The following CDC34 variants were observed in gnomAD, a reference collection of about 807,000 sequenced individuals.
CDC34 encodes the protein cell division cycle 34, ubiquitin conjugating enzyme.
In CDC34, 18 loss-of-function variants were observed where a neutral mutation model predicts 26.8. That is an observed-to-expected ratio of 0.67 (90% CI 0.47 to 1.00). CDC34 has a LOEUF of 1.00. CDC34 is among the 50% of genes least tolerant of loss of function. The pLI is 0.00. For missense variants in CDC34, 280 were observed against 334.5 expected (o/e 0.84, Z 1.27); for synonymous variants, 178 against 147.5 (o/e 1.21, Z -1.50).
At chr19:532,132 G>T (rs761826244) in intron 1 of CDC34, 24 bp downstream of exon 1, 1 of 1,476,446 alleles carries the variant, frequency 6.8e-7, no homozygotes, top group Middle Eastern at 1.8e-4. Context: ...CCCCCGCCCG[G>T]GTCCCGGAGC....
In CDC34 at chr19:541,572, C is replaced by T. The variant is rs376816532; in HGVS notation, c.*20C>T. ...TCCTGACACCACCAGAATAAACTTG[C>T]CGAGTTTACCTCACTAGGGCCGGAC... is the stretch of plus-strand genomic sequence containing the variant. On this transcript the variant is annotated 3_prime_UTR_variant, in exon 5 of 5. Coordinates refer to ENST00000215574, the MANE Select transcript of CDC34 (RefSeq NM_004359.2). 1 of 1,547,900 alleles carries T rather than the reference C, an allele frequency of 6.5e-7. No individual in the cohort carries two copies. Among genetic ancestry groups the T allele is most frequent in the Non-Finnish European group, 8.7e-7 (1 of 1,144,012 alleles).
chr19:535,093 C>T (rs1343824208), intron 1 of CDC34, among the ~76,000 whole-genome samples: 1 of 152,242 alleles, frequency 6.6e-6, no homozygotes, highest in Non-Finnish European at 1.5e-5. Flanking sequence ...TGGCATCACG[C>T]CCCAGGCTGC....
At position 541,460 on chromosome 19, in the gene CDC34, TACG is replaced by T. The variant is rs1224103413; in HGVS notation, c.625_627del (p.Asp209del). The T allele has an allele frequency of 3.1e-6, 5 of 1,612,722 alleles. No homozygotes were observed. Among genetic ancestry groups the T allele is most frequent in the East Asian group, 2.2e-5 (1 of 44,862 alleles). On this transcript the variant is annotated inframe_deletion, in exon 5 of 5. Coordinates refer to ENST00000215574, the MANE Select transcript of CDC34 (RefSeq NM_004359.2). ...GCCCGACGAGGGCTCAGACCTCTTC[TACG>T]ACGACTACTACGAGGACGGCGAGGT...
intron 1 of CDC34, among the ~76,000 whole-genome samples, chr19:533,262 G>GGACAC (rs1265343292): frequency 1.3e-5 from 2 of 152,168 alleles, no homozygotes; most frequent in Non-Finnish European, 2.9e-5. Context: ...CCAAGAGCCT[G>GGACAC]GACACGACAC....
chr19:533,458 C>T (rs1039433922), intron 1 of CDC34, among the ~76,000 whole-genome samples: 8 of 152,242 alleles, frequency 5.3e-5, no homozygotes, highest in Admixed American at 2.6e-4. Flanking sequence ...AGTGGGACGC[C>T]CGTGGGTTCT....
At position 532,096 on chromosome 19, in the gene CDC34, C is replaced by G; in HGVS notation, c.165C>G (p.Gly55=). The G allele has an allele frequency of 6.6e-7, 1 of 1,514,572 alleles. No homozygotes were observed. Among genetic ancestry groups the G allele is most frequent in the Non-Finnish European group, 8.8e-7 (1 of 1,140,752 alleles). 93.8% of individuals were successfully genotyped at this position (1,514,572 alleles called of 1,614,324 possible). The change falls in exon 1 of 5, where the codon GGC becomes GGG. Residue 55 remains glycine (G), a synonymous_variant. Coordinates refer to ENST00000215574, the MANE Select transcript of CDC34 (RefSeq NM_004359.2). ...GGCCCCCCAACACCTACTACGAGGG[C>G]GGCTACTTCAAGGTGAGCGCGGCGA... ...IFGPPNTYYE[G]GYFKARLKFP...
intron 1 of CDC34, among the ~76,000 whole-genome samples, chr19:532,484 C>G (rs993545304): frequency 2.6e-5 from 4 of 152,208 alleles, no homozygotes; most frequent in Non-Finnish European, 5.9e-5. Flanking sequence ...TCCCCCTCCG[C>G]CCCTGCGAGA....
intron 4 of CDC34, chr19:541,136 C>T (rs1979992711): frequency 1.6e-6 from 1 of 644,098 alleles, no homozygotes; most frequent in Non-Finnish European, 2.5e-6. Context: ...CCCACCCGCA[C>T]CTCCTGCCCT....
intron 4 of CDC34, 30 bp from the exon 5 acceptor site, chr19:541,309 G>A (rs369947987): frequency 2.0e-6 from 3 of 1,511,724 alleles, no homozygotes; most frequent in South Asian, 2.4e-5. Context: ...AGGCACGTGG[G>A]TGGCGCCCTC....
chr19:536,214 CTGT>C lies in CDC34; in HGVS notation c.265-27_265-25del, dbSNP rs764590326. ...CTGGGAGCCCGTGCTGACCTCTGAC[CTGT>C]TCTGACCTGTCTTCTTCTTGTGCAG... On this transcript the variant is annotated intron_variant, in intron 2 of 4. Coordinates refer to ENST00000215574, the MANE Select transcript of CDC34 (RefSeq NM_004359.2). The C allele has an allele frequency of 5.7e-6, 9 of 1,567,368 alleles. No homozygotes were observed. The Admixed American group carries it at 1.6e-4, about 28-fold the overall frequency.
At chr19:537,553 C>T (rs2145849953) in intron 4 of CDC34, among the ~76,000 whole-genome samples, 1 of 150,954 alleles carries the variant, frequency 6.6e-6, no homozygotes. Context: ...GGGGTTTCAG[C>T]GTGTTAGCCA....
At chr19:535,571 C>A (rs1979700318) in intron 1 of CDC34, among the ~76,000 whole-genome samples, 1 of 152,234 alleles carries the variant, frequency 6.6e-6, no homozygotes. Context: ...TGCCCACGTT[C>A]CCCAGCAGTT....
Position 531,993 on chromosome 19 carries a change from A to T in CDC34, c.62A>T (p.Gln21Leu). 1 of 1,496,788 alleles carries T rather than the reference A, an allele frequency of 6.7e-7. No homozygotes were observed. The highest frequency in any genetic ancestry group is 8.8e-7 in the Non-Finnish European group (1 of 1,130,576). The allele number at this position is 1,496,788 out of a possible 1,614,324, so 92.7% of individuals were successfully genotyped here. Residue 21 changes from glutamine (Q) to leucine (L), a missense_variant, in exon 1 of 5, where the codon CAG (glutamine) becomes CTG (leucine). Coordinates refer to ENST00000215574, the MANE Select transcript of CDC34 (RefSeq NM_004359.2). ...KALLLELKGL[Q>L]EEPVEGFRVT... Reference sequence around the variant, plus strand: ...CTGCTGCTGGAGCTCAAGGGGCTGCAGGAAGAGCCGGTCGAGGGATTCCGC... The same window carrying T: ...CTGCTGCTGGAGCTCAAGGGGCTGCTGGAAGAGCCGGTCGAGGGATTCCGC...
Position 541,927 on chromosome 19 carries a change from C to A in CDC34, c.*375C>A. 1 of 174,738 alleles carries A rather than the reference C, an allele frequency of 5.7e-6. No homozygotes were observed. The highest frequency in any genetic ancestry group is 1.6e-4 in the South Asian group (1 of 6,256). 10.8% of individuals were successfully genotyped at this position (174,738 alleles called of 1,614,324 possible). ...GGCGGGGGGCCGTTTCCTGACACTACCAGCCTGGGAGGCCCAGGTGTAGCG... is the reference window on the plus strand; with the variant it reads ...GGCGGGGGGCCGTTTCCTGACACTAACAGCCTGGGAGGCCCAGGTGTAGCG... On this transcript the variant is annotated 3_prime_UTR_variant, in exon 5 of 5. Transcript: ENST00000215574.
At chr19:532,948 C>T (rs17841733) in intron 1 of CDC34, among the ~76,000 whole-genome samples, 4,700 of 152,270 alleles carry the variant, frequency 0.031, 244 homozygotes, top group African/African-American at 0.11. Flanking sequence ...CAGGTGGCTT[C>T]TTGGGACCCA....
At chr19:536,114 G>T (rs1027331043) in intron 2 of CDC34, 129 bp from the exon 3 acceptor site, 2 of 820,764 alleles carry the variant, frequency 2.4e-6, no homozygotes, top group Non-Finnish European at 3.9e-6. Flanking sequence ...TCATGTCCTC[G>T]TCCTTCCGGG....
chr19:536,155 T>G (rs1979738376), intron 2 of CDC34, 88 bp from the exon 3 acceptor site: 1 of 1,113,492 alleles, frequency 9.0e-7, no homozygotes, highest in Non-Finnish European at 1.3e-6. Flanking sequence ...CACGTCCTCG[T>G]CCTCCACGTC....
chr19:535,998 C>T (rs1198268681), intron 2 of CDC34, 75 bp downstream of exon 2: 3 of 1,368,854 alleles, frequency 2.2e-6, no homozygotes, highest in Non-Finnish European at 3.1e-6. Context: ...CGTCCTCATC[C>T]TTCCGGGACC....
intron 4 of CDC34, chr19:539,111 G>A (rs573340187): frequency 9.4e-6 from 7 of 748,050 alleles, no homozygotes; most frequent in Non-Finnish European, 1.1e-5. Flanking sequence ...TTTCATCTGT[G>A]TGCGTGTTGG....
Sources: gnomAD v4.1 joint callset for allele counts (sites outside exome capture counted in the v4.1 genomes callset) on GRCh38, gnomAD v4.1.1 for gene constraint, MANE v1.5 for transcripts, NCBI Gene and HGNC (gene_info 2026-07-23, HGNC 2026-07-21) for gene names.